The following HTD2 variants were observed in gnomAD, a reference collection of about 807,000 sequenced individuals.
The protein encoded by HTD2 is hydroxyacyl-thioester dehydratase type 2.
A neutral mutation model predicts 3.1 loss-of-function variants in HTD2; 1 was observed. That is an observed-to-expected ratio of 0.32 (90% CI 0.11 to 1.52). The LOEUF is 1.52. Among genes scored for constraint, HTD2 ranks in the 40% most tolerant of loss-of-function variants. HTD2 has a pLI of 0.39. For missense variants in HTD2, 150 were observed against 79.6 expected, an observed-to-expected ratio of 1.88 and a Z score of -3.36; for synonymous variants, 50 against 28.9, an observed-to-expected ratio of 1.73 and a Z score of -2.34.
chr3:58,315,078 C>T (rs1458405710), intron 2 of HTD2, among the ~76,000 whole-genome samples: 1 of 152,084 alleles, frequency 6.6e-6, no homozygotes, highest in African/African-American at 2.4e-5. Context: ...AACTTAAGTT[C>T]ACACAAAAGC....
intron 2 of HTD2, 53 bp from the exon 3 acceptor site, chr3:58,316,462 C>A: frequency 6.7e-7 from 1 of 1,484,000 alleles, no homozygotes; most frequent in Non-Finnish European, 9.4e-7. Context: ...AGTTGACAAG[C>A]ATTCAAGAAT....
chr3:58,314,364 T>A (rs2097485935), intron 2 of HTD2, among the ~76,000 whole-genome samples: 2 of 151,920 alleles, frequency 1.3e-5, no homozygotes, highest in African/African-American at 4.8e-5. Context: ...AAAATAATAG[T>A]AATAATAATA....
chr3:58,310,787 G>A (rs1256232324), intron 2 of HTD2, among the ~76,000 whole-genome samples, 196 bp downstream of exon 2: 1 of 151,960 alleles, frequency 6.6e-6, no homozygotes, highest in African/African-American at 2.4e-5. Flanking sequence ...AAGATAAGCT[G>A]GGTGTGGTGG....
In HTD2 at chr3:58,318,248, A is replaced by C. The variant is rs73835153; in HGVS notation, c.*128A>C. On this transcript the variant is annotated 3_prime_UTR_variant, in exon 5 of 5. Coordinates refer to ENST00000461393, the MANE Select transcript of HTD2 (RefSeq NM_001348712.2). ...CCCATCTTAGTTAGGGGAAGGGAGC[A>C]GGAAGAGGGTTGTTCAAATGCCCAC... 5.2e-6 allele frequency: 3 copies of C among 577,350 alleles called. No individual in the cohort carries two copies. The Admixed American group carries it at 1.0e-4, about 20-fold the overall frequency. The allele number at this position is 577,350 out of a possible 1,614,324, so 35.8% of individuals were successfully genotyped here. A position where few individuals can be genotyped will look rare whatever the true frequency, so the allele number is the denominator to read the frequency against.
Position 58,310,941 on chromosome 3 carries a change from C to T in HTD2, c.-331+350C>T, listed in dbSNP as rs184500722. 9.6e-4 allele frequency among the ~76,000 whole-genome samples: 133 copies of T among 138,812 alleles called. 1 individual carries two copies. The highest frequency in any genetic ancestry group is 1.6e-3 in the African/African-American group (59 of 36,074). The allele number at this position is 138,812 out of a possible 152,430, so 91.1% of individuals were successfully genotyped here. On this transcript the variant is annotated intron_variant, in intron 2 of 4. Coordinates refer to ENST00000461393, the MANE Select transcript of HTD2 (RefSeq NM_001348712.2). ...GAGACTCTGTCACAAAAAAAAAAAT[C>T]GAGAAAGAATGCTTTTCAAACATCA...
rs756354513 is a variant in HTD2 at position 58,310,281 on chromosome 3, C to G, written c.-415-226C>G. The stretch of plus-strand genomic sequence containing the variant: ...TCTGAAAAATAGCATGTGCATTGGT[C>G]ATTTCTAGCCCTCTTGACTTACTGT... On this transcript the variant is annotated intron_variant, in intron 1 of 4. Transcript: ENST00000461393. The G allele has an allele frequency of 8.5e-6, 13 of 1,535,342 alleles. No homozygotes were observed. The East Asian group carries it at 2.0e-4, about 24-fold the overall frequency.
At chr3:58,308,243 C>A (rs2097477827) in intron 1 of HTD2, among the ~76,000 whole-genome samples, 1 of 152,096 alleles carries the variant, frequency 6.6e-6, no homozygotes, top group Non-Finnish European at 1.5e-5. Context: ...TCACTTTTCT[C>A]TCATTTGAAT....
intron 2 of HTD2, among the ~76,000 whole-genome samples, chr3:58,313,344 CATT>C (rs1429237488): frequency 1.3e-5 from 2 of 152,156 alleles, no homozygotes; most frequent in African/African-American, 4.8e-5. Context: ...TGATTCAACT[CATT>C]ATTTTGTCAT....
intron 1 of HTD2, among the ~76,000 whole-genome samples, chr3:58,309,272 G>A (rs2097479355): frequency 6.6e-6 from 1 of 152,172 alleles, no homozygotes; most frequent in South Asian, 2.1e-4. Context: ...AACTGGTCTT[G>A]AGTGGGCTCA....
intron 1 of HTD2, chr3:58,307,632 G>C (rs2097476944): frequency 6.6e-6 from 1 of 152,196 alleles, no homozygotes; most frequent in African/African-American, 2.4e-5. Context: ...AGACTGAGGA[G>C]CGAGAATTGC....
chr3:58,312,233 G>C (rs2097483013), intron 2 of HTD2, among the ~76,000 whole-genome samples: 1 of 151,808 alleles, frequency 6.6e-6, no homozygotes, highest in African/African-American at 2.4e-5. Flanking sequence ...AGTGTGTGAG[G>C]GTTCCCCTAG....
Position 58,319,559 on chromosome 3 carries a change from G to GTT in HTD2, c.*1440_*1441dup, listed in dbSNP as rs1466041283. 1 of 151,580 alleles carries GTT rather than the reference G, an allele frequency of 6.6e-6. No individual in the cohort carries two copies. Among genetic ancestry groups the GTT allele is most frequent in the Non-Finnish European group, 1.5e-5 (1 of 67,994 alleles). 9.4% of individuals were successfully genotyped at this position (151,580 alleles called of 1,614,324 possible). ...ATTAGTGTTCTTAAGTACAGTTTCT[G>GTT]TTATAAAAGTTCAGATTATTCCTTG... On this transcript the variant is annotated 3_prime_UTR_variant, in exon 5 of 5. Transcript: ENST00000461393.
At position 58,316,982 on chromosome 3, in the gene HTD2, C is replaced by T. The variant is rs763270675; in HGVS notation, c.-186C>T. On this transcript the variant is annotated 5_prime_UTR_variant, in exon 4 of 5. Coordinates refer to ENST00000461393, the MANE Select transcript of HTD2 (RefSeq NM_001348712.2). ...CTATAAAGGCAAAAAATGTGCTTTC[C>T]GGGTGATTCAGGTAAAGACTATTCC... is the stretch of plus-strand genomic sequence containing the variant. 24 of 1,613,220 alleles carry T rather than the reference C, an allele frequency of 1.5e-5. 1 individual carries two copies. The highest frequency in any genetic ancestry group is 1.1e-4 in the South Asian group (10 of 91,018).
chr3:58,317,262 T>C (rs1287212091), intron 4 of HTD2, among the ~76,000 whole-genome samples, 178 bp from the exon 5 acceptor site: 1 of 152,222 alleles, frequency 6.6e-6, no homozygotes, highest in Non-Finnish European at 1.5e-5. Context: ...GTGTGTTATA[T>C]ATTGGTACGC....
chr3:58,313,277 GA>G, intron 2 of HTD2, among the ~76,000 whole-genome samples: 1 of 152,104 alleles, frequency 6.6e-6, no homozygotes, highest in East Asian at 1.9e-4. Context: ...GGCTCCTCAT[GA>G]AAAAAAGATG....
intron 2 of HTD2, among the ~76,000 whole-genome samples, chr3:58,311,910 A>G (rs139641305): frequency 2.0e-4 from 31 of 152,186 alleles, no homozygotes; most frequent in African/African-American, 7.2e-4. Context: ...TCTTGCCGTG[A>G]TGCCCAGGGT....
chr3:58,312,463 T>C (rs1049151708), intron 2 of HTD2, among the ~76,000 whole-genome samples: 7 of 151,854 alleles, frequency 4.6e-5, no homozygotes, highest in Non-Finnish European at 1.0e-4. Context: ...TAAAACTGTG[T>C]TTGAAATTGC....
At chr3:58,307,432 G>T (rs2097476631) in intron 1 of HTD2, among the ~76,000 whole-genome samples, 1 of 152,176 alleles carries the variant, frequency 6.6e-6, no homozygotes, top group Non-Finnish European at 1.5e-5. Flanking sequence ...ACTAAAAAAG[G>T]CTGACTCTAG....
At chr3:58,307,865 CT>C (rs11293912) in intron 1 of HTD2, 8,282 of 143,836 alleles carry the variant, frequency 0.058, 647 homozygotes, top group African/African-American at 0.18. Context: ...ATTTGTAAGT[CT>C]TTTTTTTTTT....
Sources: gnomAD v4.1 joint callset for allele counts (sites outside exome capture counted in the v4.1 genomes callset) on GRCh38, gnomAD v4.1.1 for gene constraint, MANE v1.5 for transcripts, NCBI Gene and HGNC (gene_info 2026-07-23, HGNC 2026-07-21) for gene names.